PISD: variants seen among roughly 807,000 people sequenced by gnomAD.
PISD encodes the protein phosphatidylserine decarboxylase, also known as phosphatidylserine decarboxylase proenzyme, mitochondrial.
In PISD, 31 loss-of-function variants were observed where a neutral mutation model predicts 43.5. That is an observed-to-expected ratio of 0.71 (90% confidence interval 0.54 to 0.96). PISD has a LOEUF of 0.96. Among genes scored for constraint, PISD ranks in the 40% least tolerant of loss-of-function variants. The pLI, the probability that PISD is intolerant of heterozygous loss-of-function variation, is 0.00. For missense variants in PISD, 523 were observed against 548.4 expected (o/e 0.95, Z 0.46); for synonymous variants, 259 against 228.7 (o/e 1.13, Z -1.20).
chr22:31,661,250 G>A (rs2074309325), intron 1 of PISD, among the ~76,000 whole-genome samples: 1 of 152,108 alleles, frequency 6.6e-6, no homozygotes, highest in Admixed American at 6.6e-5. Context: ...TCCAAATCCA[G>A]TGTCCGTCTC....
At chr22:31,637,152 AAAAAAAAAAAAAATATATATATATAT>A (rs1206895700) in intron 3 of PISD, among the ~76,000 whole-genome samples, 16 of 30,586 alleles carry the variant, frequency 5.2e-4, no homozygotes, top group Admixed American at 1.2e-3. Flanking sequence ...TTAAAAAAAA[AAAAAAAAAAAAAATATATATATATAT>A]ATATATATAT....
At position 31,619,468 on chromosome 22, in the gene PISD, C is replaced by T. The variant is rs757367185; in HGVS notation, c.*144G>A. 3.4e-5 allele frequency: 24 copies of T among 709,094 alleles called. No homozygotes were observed. The highest frequency in any genetic ancestry group is 2.6e-4 in the African/African-American group (15 of 57,428). 43.9% of individuals were successfully genotyped at this position (709,094 alleles called of 1,614,324 possible). On this transcript the variant is annotated 3_prime_UTR_variant, in exon 8 of 8. Coordinates refer to ENST00000439502, the MANE Select transcript of PISD (RefSeq NM_001326411.2). The stretch of plus-strand genomic sequence containing the variant: ...CTGCACCTCTGGAACAGGTGGTAGC[C>T]GAATCATTCAAGTCCTACCTGGTCA...
chr22:31,634,630 A>G (rs1053657813), intron 3 of PISD, among the ~76,000 whole-genome samples: 4 of 152,018 alleles, frequency 2.6e-5, no homozygotes, highest in African/African-American at 4.8e-5. Flanking sequence ...CTGAGGTGAG[A>G]AGTTCAACAC....
intron 3 of PISD, among the ~76,000 whole-genome samples, chr22:31,640,786 G>C (rs1267926584): frequency 6.8e-6 from 1 of 148,016 alleles, no homozygotes; most frequent in East Asian, 2.0e-4. Flanking sequence ...TCACCATGTG[G>C]GCCAGGCTGG....
intron 3 of PISD, among the ~76,000 whole-genome samples, chr22:31,642,824 C>T (rs1483806384): frequency 6.7e-6 from 1 of 149,302 alleles, no homozygotes. Flanking sequence ...GAAAAAAAGC[C>T]GGGCGTGGTG....
At chr22:31,640,155 T>G (rs2073647227) in intron 3 of PISD, among the ~76,000 whole-genome samples, 1 of 151,442 alleles carries the variant, frequency 6.6e-6, no homozygotes, top group South Asian at 2.1e-4. Flanking sequence ...GTCTTCAACC[T>G]GAGCAGCTCA....
chr22:31,640,575 G>GTTTTT (rs759964791), intron 3 of PISD, among the ~76,000 whole-genome samples: 1,913 of 91,104 alleles, frequency 0.021, 18 homozygotes, highest in Non-Finnish European at 0.023. Context: ...CGGTTTGGTT[G>GTTTTT]TTTTTTTTTT....
intron 1 of PISD, among the ~76,000 whole-genome samples, chr22:31,656,797 C>T (rs1230190714): frequency 1.3e-5 from 2 of 152,202 alleles, no homozygotes; most frequent in Non-Finnish European, 2.9e-5. Context: ...ACCACATGTG[C>T]CCCTTTCCAC....
At chr22:31,636,615 C>T (rs370300544) in intron 3 of PISD, among the ~76,000 whole-genome samples, 35 of 151,262 alleles carry the variant, frequency 2.3e-4, no homozygotes, top group East Asian at 2.1e-3. Flanking sequence ...TCTCGGCTCA[C>T]TGCAAGCTCT....
chr22:31,624,276 G>A (rs573035416), intron 3 of PISD, among the ~76,000 whole-genome samples: 5 of 152,166 alleles, frequency 3.3e-5, no homozygotes, highest in Non-Finnish European at 7.4e-5. Flanking sequence ...CAGCCCAGGA[G>A]AGTGGGCCCC....
intron 3 of PISD, among the ~76,000 whole-genome samples, chr22:31,635,308 T>C (rs570567825): frequency 2.0e-5 from 3 of 152,254 alleles, no homozygotes; most frequent in South Asian, 2.1e-4. Flanking sequence ...TTAAGTTCCA[T>C]GTCTTTTTTT....
intron 3 of PISD, among the ~76,000 whole-genome samples, chr22:31,632,570 T>A (rs1239027720): frequency 6.6e-6 from 1 of 152,080 alleles, no homozygotes; most frequent in Non-Finnish European, 1.5e-5. Flanking sequence ...TTCCTCCACA[T>A]CCCAAAGCCA....
intron 1 of PISD, among the ~76,000 whole-genome samples, chr22:31,655,720 C>T (rs370942945): frequency 3.9e-5 from 6 of 151,948 alleles, no homozygotes; most frequent in African/African-American, 1.2e-4. Context: ...CTGCAACCTC[C>T]GCCTCCTGGG....
chr22:31,623,556 G>T (rs1054688615), intron 3 of PISD: 4 of 961,492 alleles, frequency 4.2e-6, no homozygotes, highest in Non-Finnish European at 6.1e-6. Flanking sequence ...CTTCCGACCC[G>T]GACCCCCTGA....
chr22:31,622,882 C>T (rs1286868150), intron 3 of PISD, among the ~76,000 whole-genome samples: 1 of 152,234 alleles, frequency 6.6e-6, no homozygotes, highest in Non-Finnish European at 1.5e-5. Flanking sequence ...ACAACCAAGA[C>T]ACCAACTCCC....
chr22:31,652,548 TG>T (rs1054093289), intron 1 of PISD, among the ~76,000 whole-genome samples: 2 of 151,724 alleles, frequency 1.3e-5, no homozygotes, highest in Admixed American at 6.6e-5. Context: ...GGCTCACGCC[TG>T]GAATCCCAGC....
intron 3 of PISD, among the ~76,000 whole-genome samples, chr22:31,637,286 C>G (rs1045058034): frequency 5.5e-5 from 8 of 144,684 alleles, no homozygotes; most frequent in African/African-American, 2.0e-4. Context: ...TCGCTTGAGC[C>G]TGGGAGGTTG....
intron 6 of PISD, 139 bp from the exon 7 acceptor site, chr22:31,620,852 C>G (rs2072517753): frequency 1.4e-6 from 2 of 1,384,596 alleles, no homozygotes; most frequent in Non-Finnish European, 2.0e-6. Context: ...CCACGGTCCC[C>G]TGCCCACAAC....
In PISD at chr22:31,657,415, G is replaced by A. The variant is rs151266390; in HGVS notation, c.65+4729C>T. Among the ~76,000 whole-genome samples, 819 of 152,234 alleles carry A rather than the reference G, an allele frequency of 5.4e-3. 9 individuals are homozygous for A. The highest frequency in any genetic ancestry group is 0.019 in the African/African-American group (787 of 41,548). ...CTCCCAAAGTGCTGGGATTACAGGC[G>A]TGAGCCACCGCACCCAGCCTTTTAG... On this transcript the variant is annotated intron_variant, in intron 1 of 7. Transcript: ENST00000439502.
Sources: gnomAD v4.1 joint callset for allele counts (sites outside exome capture counted in the v4.1 genomes callset) on GRCh38, gnomAD v4.1.1 for gene constraint, MANE v1.5 for transcripts, NCBI Gene and HGNC (gene_info 2026-07-23, HGNC 2026-07-21) for gene names.